The following FRMD6 variants were observed in gnomAD, a reference collection of about 807,000 sequenced individuals.
The protein encoded by FRMD6 is FERM domain containing 6.
In FRMD6, 37 loss-of-function variants were observed where a neutral mutation model predicts 73.2. That is an observed-to-expected ratio of 0.51 (90% confidence interval 0.39 to 0.66). The LOEUF is 0.66. Ranked by LOEUF, FRMD6 falls within the 30% of genes least tolerant of loss-of-function variation. The pLI is 0.00. For synonymous variants in FRMD6, 273 were observed against 282.2 expected, an observed-to-expected ratio of 0.97 and a Z score of 0.33; for missense variants, 714 against 780.5, an observed-to-expected ratio of 0.91 and a Z score of 1.02.
At chr14:51,498,862 G>T (rs1016482531) in intron 1 of FRMD6, among the ~76,000 whole-genome samples, 2 of 152,182 alleles carry the variant, frequency 1.3e-5, no homozygotes, top group Admixed American at 1.3e-4. Flanking sequence ...AGATCTCATA[G>T]GTATTTTATG....
intron 2 of FRMD6, among the ~76,000 whole-genome samples, chr14:51,581,448 A>C (rs1024420386): frequency 1.3e-5 from 2 of 152,236 alleles, no homozygotes; most frequent in African/African-American, 4.8e-5. Context: ...AAGAAGTTTT[A>C]TAATCATTCT....
chr14:51,516,007 GT>G (rs1385101295), intron 1 of FRMD6, among the ~76,000 whole-genome samples: 1 of 97,916 alleles, frequency 1.0e-5, no homozygotes, highest in East Asian at 3.2e-4. Flanking sequence ...AACCTTCTGG[GT>G]GTTCTGAACC....
chr14:51,698,763 T>A (rs1018973805), intron 3 of FRMD6, among the ~76,000 whole-genome samples: 4 of 152,082 alleles, frequency 2.6e-5, no homozygotes, highest in Non-Finnish European at 4.4e-5. Context: ...GTCAGTTTCT[T>A]CTATATTCTT....
intron 2 of FRMD6, among the ~76,000 whole-genome samples, chr14:51,583,511 C>A (rs1006026766): frequency 3.9e-5 from 6 of 152,150 alleles, no homozygotes; most frequent in African/African-American, 7.2e-5. Flanking sequence ...ATTTACAGAG[C>A]ACTTACTATG....
intron 2 of FRMD6, among the ~76,000 whole-genome samples, chr14:51,596,373 G>A (rs1015435014): frequency 2.6e-5 from 4 of 151,930 alleles, no homozygotes; most frequent in East Asian, 3.9e-4. Flanking sequence ...ACTGTGAACC[G>A]TGTAAGCCTG....
At chr14:51,418,717 A>G in the FRMD6 span, among the ~76,000 whole-genome samples, 3 of 152,238 alleles carry the variant, frequency 2.0e-5, no homozygotes, top group Admixed American at 2.0e-4. Flanking sequence ...CAGAGCTGTC[A>G]GACAGGGACG....
At chr14:51,543,777 G>C (rs369163979) in intron 1 of FRMD6, among the ~76,000 whole-genome samples, 1 of 151,966 alleles carries the variant, frequency 6.6e-6, no homozygotes, top group Non-Finnish European at 1.5e-5. Flanking sequence ...AATTATTTTG[G>C]GCAAGGGAGT....
At chr14:51,444,874 C>T in the FRMD6 span, among the ~76,000 whole-genome samples, 2 of 152,068 alleles carry the variant, frequency 1.3e-5, no homozygotes, top group Non-Finnish European at 2.9e-5. Flanking sequence ...CCCATCTGGC[C>T]CGAGATGAAG....
intron 1 of FRMD6, among the ~76,000 whole-genome samples, chr14:51,492,047 C>T (rs1338154317): frequency 1.3e-5 from 2 of 152,172 alleles, no homozygotes; most frequent in African/African-American, 4.8e-5. Context: ...CCTTGCTGTT[C>T]AGGGCTGACT....
chr14:51,536,605 C>T (rs527697316), intron 1 of FRMD6, among the ~76,000 whole-genome samples: 22 of 151,682 alleles, frequency 1.5e-4, no homozygotes, highest in African/African-American at 3.2e-4. Context: ...TTAATAGAGA[C>T]GAGATTTCAC....
At chr14:51,595,345 C>T (rs1638399831) in intron 2 of FRMD6, among the ~76,000 whole-genome samples, 1 of 152,162 alleles carries the variant, frequency 6.6e-6, no homozygotes, top group Non-Finnish European at 1.5e-5. Flanking sequence ...CCCATTTTCT[C>T]AGATTATTCT....
At chr14:51,509,734 C>G (rs1884187223) in intron 1 of FRMD6, among the ~76,000 whole-genome samples, 1 of 151,988 alleles carries the variant, frequency 6.6e-6, no homozygotes, top group Non-Finnish European at 1.5e-5. Flanking sequence ...TCAAGCGATT[C>G]TCCTGCCTCA....
the FRMD6 span, among the ~76,000 whole-genome samples, chr14:51,466,105 T>C: frequency 4.6e-5 from 7 of 152,242 alleles, no homozygotes; most frequent in Non-Finnish European, 1.0e-4. Flanking sequence ...TTTCATGAAG[T>C]GTTCGAATAC....
the FRMD6 span, among the ~76,000 whole-genome samples, chr14:51,459,754 G>A: frequency 2.7e-5 from 4 of 146,830 alleles, no homozygotes; most frequent in African/African-American, 1.0e-4. Flanking sequence ...GTGAACCCGG[G>A]AGGCGGAGCT....
At chr14:51,621,083 A>T (rs2139922498) in intron 2 of FRMD6, among the ~76,000 whole-genome samples, 1 of 152,268 alleles carries the variant, frequency 6.6e-6, no homozygotes, top group South Asian at 2.1e-4. Context: ...ACAGAGTGGC[A>T]TTTAACCACG....
At chr14:51,480,322 G>A in the FRMD6 span, among the ~76,000 whole-genome samples, 3 of 152,186 alleles carry the variant, frequency 2.0e-5, no homozygotes, top group African/African-American at 7.2e-5. Context: ...CTGAATAATT[G>A]ATGAAGTCAC....
intron 1 of FRMD6, among the ~76,000 whole-genome samples, chr14:51,556,688 T>C (rs2139474313): frequency 6.6e-6 from 1 of 152,346 alleles, no homozygotes; most frequent in East Asian, 1.9e-4. Context: ...TCGTAGTCCA[T>C]TCTAGTTTTT....
the FRMD6 span, among the ~76,000 whole-genome samples, chr14:51,448,539 C>T: frequency 7.9e-5 from 12 of 152,322 alleles, no homozygotes; most frequent in East Asian, 9.6e-4. Context: ...GCTGATCTTC[C>T]TGTGTAATCC....
At chr14:51,589,356 T>G (rs1889240491) in intron 2 of FRMD6, among the ~76,000 whole-genome samples, 1 of 37,878 alleles carries the variant, frequency 2.6e-5, no homozygotes, top group Non-Finnish European at 6.9e-5. Context: ...TTTGGTTTTT[T>G]TTGTTGTTGT....
Sources: allele counts gnomAD v4.1 joint callset (sites outside exome capture counted in the v4.1 genomes callset), GRCh38; gene constraint gnomAD v4.1.1; transcripts MANE v1.5; gene names NCBI Gene and HGNC (gene_info 2026-07-23, HGNC 2026-07-21).